The following CNDP1 variants were observed in gnomAD, a reference collection of about 807,000 sequenced individuals.
The protein encoded by CNDP1 is carnosine dipeptidase 1, also known as beta-Ala-His dipeptidase.
Under a neutral mutation model 58.1 loss-of-function variants are expected in CNDP1, and 44 were observed. The ratio of observed to expected loss-of-function variants is 0.76; its 90% CI spans 0.60 to 0.97. CNDP1 has a LOEUF of 0.97. Ranked by LOEUF, CNDP1 falls within the 50% of genes least tolerant of loss-of-function variation. The probability of loss-of-function intolerance (pLI) is 0.00; values close to 1 mark genes in which losing one functional copy is unlikely to be tolerated. For missense variants in CNDP1, 616 were observed against 655.1 expected, an observed-to-expected ratio of 0.94 and a Z score of 0.65; for synonymous variants, 254 against 252.6, an observed-to-expected ratio of 1.01 and a Z score of -0.05.
At chr18:74,563,393 A>G (rs540322946) in intron 5 of CNDP1, among the ~76,000 whole-genome samples, 15 of 151,690 alleles carry the variant, frequency 9.9e-5, no homozygotes, top group African/African-American at 2.9e-4. Context: ...TTCTTCCTCT[A>G]TCTCTCCTTC....
Position 74,545,358 on chromosome 18 carries a change from GGT to G in CNDP1, c.24+10668_24+10669del, listed in dbSNP as rs1164243610. 6.6e-6 allele frequency among the ~76,000 whole-genome samples: 1 copy of G among 152,212 alleles called. No homozygotes were observed. The highest frequency in any genetic ancestry group is 1.5e-5 in the Non-Finnish European group (1 of 68,040). Reference sequence around the variant, plus strand: ...ACCCCCGCCTTTAACCGGGGACCTTGGTTCACAGGCACCAAGGACGCCTAAAG... The same window carrying G: ...ACCCCCGCCTTTAACCGGGGACCTTGTCACAGGCACCAAGGACGCCTAAAG... On this transcript the variant is annotated intron_variant, in intron 1 of 11. Coordinates refer to ENST00000358821, the MANE Select transcript of CNDP1 (RefSeq NM_032649.6). This position sits in a 1 kb window ranked among gnomAD's most constrained non-coding sequence, Gnocchi z 4.1.
chr18:74,545,185 G>A lies in CNDP1; in HGVS notation c.24+10494G>A, dbSNP rs566817312. On this transcript the variant is annotated intron_variant, in intron 1 of 11. Transcript: ENST00000358821. The surrounding 1 kb of genome is among the most constrained non-coding windows in gnomAD (Gnocchi z 4.1). ...CGGTTTGGGATGCTTTGTTCCAGCAGCCTGAGGAAGCTAGTGGAGACCGAT... is the reference window on the plus strand; with the variant it reads ...CGGTTTGGGATGCTTTGTTCCAGCAACCTGAGGAAGCTAGTGGAGACCGAT... Among the ~76,000 whole-genome samples the A allele has an allele frequency of 1.5e-4, 23 of 152,356 alleles. No individual in the cohort carries two copies. The highest frequency in any genetic ancestry group is 5.5e-4 in the African/African-American group (23 of 41,578).
rs139321233 is a variant in CNDP1, at chr18:74,561,893, GA to G, written c.467-151del. On this transcript the variant is annotated intron_variant, in intron 4 of 11. Transcript: ENST00000358821. ...TATGTACAGTCTTATTTGTACATAA[GA>G]AATCATACTTTGCAATTTCATGCAA... The G allele has an allele frequency of 8.0e-3, 4,878 of 611,390 alleles. 176 individuals are homozygous for G. The highest frequency in any genetic ancestry group is 0.079 in the African/African-American group (4,285 of 54,352). The allele number at this position is 611,390 out of a possible 1,614,324, so 37.9% of individuals were successfully genotyped here.
intron 1 of CNDP1, among the ~76,000 whole-genome samples, chr18:74,537,207 C>T (rs921379737): frequency 1.3e-5 from 2 of 152,164 alleles, no homozygotes; most frequent in East Asian, 1.9e-4. Flanking sequence ...GAAATCTTTG[C>T]CTGTTCCTAT....
chr18:74,563,423 T>A (rs1158989457), intron 5 of CNDP1, among the ~76,000 whole-genome samples: 2 of 152,158 alleles, frequency 1.3e-5, no homozygotes, highest in African/African-American at 4.8e-5. Flanking sequence ...GCAATATTTA[T>A]AAGATTGTTC....
At chr18:74,539,612 A>G (rs545706770) in intron 1 of CNDP1, among the ~76,000 whole-genome samples, 1 of 152,296 alleles carries the variant, frequency 6.6e-6, no homozygotes, top group South Asian at 2.1e-4. Flanking sequence ...CCCAAGCACC[A>G]CCACCTGCTC....
intron 1 of CNDP1, among the ~76,000 whole-genome samples, chr18:74,543,029 G>T (rs1195957466): frequency 6.6e-6 from 1 of 152,256 alleles, no homozygotes. Flanking sequence ...AATAGCTTTT[G>T]CAATGTGTTA....
At chr18:74,581,699 A>G (rs902123620) in intron 10 of CNDP1, among the ~76,000 whole-genome samples, 26 of 152,162 alleles carry the variant, frequency 1.7e-4, no homozygotes, top group African/African-American at 6.0e-4. Flanking sequence ...GAGGGCGTGT[A>G]CTTGGGTGCT....
At chr18:74,563,294 G>C (rs1162115623) in intron 5 of CNDP1, among the ~76,000 whole-genome samples, 2 of 152,006 alleles carry the variant, frequency 1.3e-5, no homozygotes, top group East Asian at 1.9e-4. Context: ...CCTGAAGCTC[G>C]CATCACATAC....
chr18:74,558,871 G>T (rs1208719962), intron 2 of CNDP1, among the ~76,000 whole-genome samples: 1 of 152,148 alleles, frequency 6.6e-6, no homozygotes. Flanking sequence ...ATGTTAGGAG[G>T]GACCTGCAGC....
At chr18:74,582,755 G>A (rs1260011956) in intron 10 of CNDP1, among the ~76,000 whole-genome samples, 4 of 152,158 alleles carry the variant, frequency 2.6e-5, no homozygotes, top group African/African-American at 9.7e-5. Flanking sequence ...AATGCAGTGT[G>A]GATTCTGGAT....
intron 1 of CNDP1, among the ~76,000 whole-genome samples, chr18:74,542,975 A>G (rs1980662827): frequency 6.6e-6 from 1 of 152,272 alleles, no homozygotes; most frequent in Non-Finnish European, 1.5e-5. Context: ...TTGAGGCTGC[A>G]AGCCAAAGTT....
chr18:74,558,837 G>A (rs1417682988), intron 2 of CNDP1, among the ~76,000 whole-genome samples: 1 of 152,160 alleles, frequency 6.6e-6, no homozygotes, highest in Non-Finnish European at 1.5e-5. Flanking sequence ...GGGAGGGGCA[G>A]GCCAGGGAAT....
chr18:74,579,465 CCTTGTCTTGTTCACAG>C (rs1311782301), intron 9 of CNDP1, among the ~76,000 whole-genome samples: 3 of 151,632 alleles, frequency 2.0e-5, no homozygotes, highest in African/African-American at 7.3e-5. Flanking sequence ...GCAGGGCCTT[CCTTGTCTTGTTCACAG>C]CTGTATCCGC....
Position 74,560,010 on chromosome 18 carries a change from C to CTTTTTTTT in CNDP1, c.303+548_303+555dup, listed in dbSNP as rs398033526. ...ATTTAAGCCAGTTGTCATCTGCATT[C>CTTTTTTTT]TTTTTTTTTTTTTTTTTGAGACAGA... On this transcript the variant is annotated intron_variant, in intron 3 of 11. Coordinates refer to ENST00000358821, the MANE Select transcript of CNDP1 (RefSeq NM_032649.6). Among the ~76,000 whole-genome samples the CTTTTTTTT allele has an allele frequency of 6.7e-4, 81 of 121,256 alleles. 1 individual carries two copies. The highest frequency in any genetic ancestry group is 1.3e-3 in the East Asian group (5 of 3,892). The allele number at this position is 121,256 out of a possible 152,430, so 79.5% of individuals were successfully genotyped here. A position where few individuals can be genotyped will look rare whatever the true frequency, so the allele number is the denominator to read the frequency against.
At chr18:74,547,378 C>A (rs905781227) in intron 1 of CNDP1, among the ~76,000 whole-genome samples, 2 of 152,188 alleles carry the variant, frequency 1.3e-5, no homozygotes, top group African/African-American at 4.8e-5. Flanking sequence ...GTATGGACAC[C>A]AAGGACCCAC....
chr18:74,541,108 C>A (rs1980612121), intron 1 of CNDP1, among the ~76,000 whole-genome samples: 1 of 152,174 alleles, frequency 6.6e-6, no homozygotes, highest in South Asian at 2.1e-4. Context: ...ACACCGGAAA[C>A]TTGTAGGTTC....
chr18:74,582,169 A>T (rs904980419), intron 10 of CNDP1, among the ~76,000 whole-genome samples: 2 of 152,230 alleles, frequency 1.3e-5, no homozygotes, highest in African/African-American at 4.8e-5. Context: ...AACAATAAAT[A>T]GGTCTGAAAT....
Position 74,545,173 on chromosome 18 carries a change from T to C in CNDP1, c.24+10482T>C, listed in dbSNP as rs1980727499. Among the ~76,000 whole-genome samples the C allele has an allele frequency of 6.6e-6, 1 of 152,184 alleles. No individual in the cohort carries two copies. The highest frequency in any genetic ancestry group is 6.5e-5 in the Admixed American group (1 of 15,282). ...GTGTTTGGCCCCCGGTTTGGGATGC[T>C]TTGTTCCAGCAGCCTGAGGAAGCTA... On this transcript the variant is annotated intron_variant, in intron 1 of 11. Transcript: ENST00000358821. The surrounding 1 kb of genome is among the most constrained non-coding windows in gnomAD (Gnocchi z 4.1).
Sources: gnomAD v4.1 joint callset for allele counts (sites outside exome capture counted in the v4.1 genomes callset) on GRCh38, gnomAD v4.1.1 for gene constraint, Gnocchi (gnomAD v3.1) non-coding constraint, MANE v1.5 for transcripts, NCBI Gene and HGNC (gene_info 2026-07-23, HGNC 2026-07-21) for gene names.